The following EDAR variants were observed in gnomAD, a reference collection of about 807,000 sequenced individuals.
EDAR encodes tumor necrosis factor receptor superfamily member EDAR.
In EDAR, 38 loss-of-function variants were observed where a neutral mutation model predicts 51.3. The ratio of observed to expected loss-of-function variants is 0.74; its 90% CI spans 0.57 to 0.97. The LOEUF (loss-of-function observed/expected upper bound fraction) is 0.97, where lower values mean the gene tolerates loss of function less well. EDAR is among the 50% of genes least tolerant of loss of function. The probability of loss-of-function intolerance (pLI) is 0.00; values close to 1 mark genes in which losing one functional copy is unlikely to be tolerated. For missense variants in EDAR, 528 were observed against 595.0 expected (o/e 0.89, Z 1.17); for synonymous variants, 227 against 242.1 (o/e 0.94, Z 0.58).
chr2:108,942,340 T>G (rs112536317), intron 1 of EDAR, among the ~76,000 whole-genome samples: 1,559 of 152,256 alleles, frequency 0.01, 23 homozygotes, highest in African/African-American at 0.035. Flanking sequence ...TACACAGCTT[T>G]GGGAACAGAG....
At chr2:108,900,979 T>C (rs1392399596) in intron 11 of EDAR, among the ~76,000 whole-genome samples, 2 of 152,078 alleles carry the variant, frequency 1.3e-5, no homozygotes, top group African/African-American at 4.8e-5. Flanking sequence ...CAGTAAATGA[T>C]AGAACAATTA....
intron 1 of EDAR, among the ~76,000 whole-genome samples, 152 bp downstream of exon 1, chr2:108,988,808 A>G (rs1698543426): frequency 6.6e-6 from 1 of 152,254 alleles, no homozygotes; most frequent in Non-Finnish European, 1.5e-5. Context: ...CTGGTAGCGC[A>G]GACATACTGC....
chr2:108,980,098 G>T (rs929114529), intron 1 of EDAR, among the ~76,000 whole-genome samples: 1 of 150,582 alleles, frequency 6.6e-6, no homozygotes, highest in Non-Finnish European at 1.5e-5. Context: ...AATGGTGTGG[G>T]GTGGGGTGGG....
At chr2:108,941,190 G>A (rs796531080) in intron 1 of EDAR, among the ~76,000 whole-genome samples, 10 of 152,296 alleles carry the variant, frequency 6.6e-5, no homozygotes, top group African/African-American at 1.9e-4. Context: ...TTGCCGAATC[G>A]TATTCCACTG....
chr2:108,941,464 AG>A, intron 1 of EDAR, among the ~76,000 whole-genome samples: 1 of 152,250 alleles, frequency 6.6e-6, no homozygotes, highest in South Asian at 2.1e-4. Flanking sequence ...GCTTCCAAAC[AG>A]CTTCCCCTGA....
At chr2:108,923,112 T>C (rs562146111) in intron 5 of EDAR, among the ~76,000 whole-genome samples, 2 of 152,186 alleles carry the variant, frequency 1.3e-5, no homozygotes. Context: ...CCGAGGCTCA[T>C]GGAGGTTAAG....
intron 1 of EDAR, among the ~76,000 whole-genome samples, chr2:108,982,668 C>T (rs1022227066): frequency 2.0e-5 from 3 of 152,194 alleles, no homozygotes; most frequent in African/African-American, 7.2e-5. Flanking sequence ...TAATAATTTT[C>T]ATCTGGAAAC....
At chr2:108,925,938 A>G (rs1231509750) in intron 4 of EDAR, among the ~76,000 whole-genome samples, 1 of 152,124 alleles carries the variant, frequency 6.6e-6, no homozygotes, top group Non-Finnish European at 1.5e-5. Context: ...TTAAAAAAAC[A>G]TTGGCTCCAA....
intron 5 of EDAR, among the ~76,000 whole-genome samples, chr2:108,916,230 T>G (rs1697024861): frequency 6.6e-6 from 1 of 152,174 alleles, no homozygotes; most frequent in African/African-American, 2.4e-5. Flanking sequence ...CAAGGGAGCT[T>G]AAGATACACT....
At chr2:108,954,886 G>C (rs374305062) in intron 1 of EDAR, among the ~76,000 whole-genome samples, 1 of 151,996 alleles carries the variant, frequency 6.6e-6, no homozygotes, top group Non-Finnish European at 1.5e-5. Context: ...ATTTCACCAC[G>C]TTGGCCAGGC....
intron 1 of EDAR, among the ~76,000 whole-genome samples, chr2:108,966,647 C>T (rs969994279): frequency 6.6e-6 from 1 of 152,230 alleles, no homozygotes; most frequent in African/African-American, 2.4e-5. Context: ...TTCAGGAACA[C>T]TACTGTGTTT....
chr2:108,942,165 G>A (rs73952566), intron 1 of EDAR, among the ~76,000 whole-genome samples: 1 of 152,176 alleles, frequency 6.6e-6, no homozygotes, highest in South Asian at 2.1e-4. Flanking sequence ...AGCGCCAGAC[G>A]TGTCACTAAA....
intron 7 of EDAR, 21 bp from the exon 8 acceptor site, chr2:108,910,871 G>A (rs1388750691): frequency 9.9e-6 from 16 of 1,614,070 alleles, no homozygotes; most frequent in Non-Finnish European, 1.4e-5. Flanking sequence ...AGGAGGGAGT[G>A]AGCAGCCAGG....
intron 1 of EDAR, among the ~76,000 whole-genome samples, chr2:108,946,933 A>G (rs1180960598): frequency 1.3e-5 from 2 of 151,956 alleles, no homozygotes; most frequent in Non-Finnish European, 2.9e-5. Flanking sequence ...ATGCCTTCCC[A>G]ACAGTCTCCC....
At chr2:108,981,107 C>A (rs1330896530) in intron 1 of EDAR, among the ~76,000 whole-genome samples, 2 of 152,170 alleles carry the variant, frequency 1.3e-5, no homozygotes, top group African/African-American at 4.8e-5. Flanking sequence ...CCTTGGCTCT[C>A]GGAAATCCAC....
intron 11 of EDAR, among the ~76,000 whole-genome samples, chr2:108,899,958 C>T (rs1343329629): frequency 1.3e-5 from 2 of 152,010 alleles, no homozygotes; most frequent in African/African-American, 2.4e-5. Flanking sequence ...TGCTCTCCAA[C>T]CTGGGTGGCA....
intron 1 of EDAR, among the ~76,000 whole-genome samples, chr2:108,970,840 C>T (rs1348520046): frequency 6.6e-6 from 1 of 152,192 alleles, no homozygotes; most frequent in Non-Finnish European, 1.5e-5. Flanking sequence ...AGCAGGCTCA[C>T]TAAACAAATG....
chr2:108,926,178 A>T (rs1162466932), intron 4 of EDAR, among the ~76,000 whole-genome samples: 1 of 152,142 alleles, frequency 6.6e-6, no homozygotes, highest in African/African-American at 2.4e-5. Flanking sequence ...TGGGCTTGTC[A>T]CCAACCCGAA....
intron 3 of EDAR, 86 bp downstream of exon 3, chr2:108,930,033 AC>A (rs939925434): frequency 1.3e-6 from 2 of 1,487,786 alleles, no homozygotes; most frequent in Non-Finnish European, 1.8e-6. Context: ...ATCCCCTCAC[AC>A]AGCAAGGCAG....
Sources: allele counts gnomAD v4.1 joint callset (sites outside exome capture counted in the v4.1 genomes callset), GRCh38; gene constraint gnomAD v4.1.1; transcripts MANE v1.5; gene names NCBI Gene and HGNC (gene_info 2026-07-23, HGNC 2026-07-21).